The following BEND4 variants were observed in gnomAD, a reference collection of about 807,000 sequenced individuals.
The protein encoded by BEND4 is BEN domain-containing protein 4.
Under a neutral mutation model 54.7 loss-of-function variants are expected in BEND4, and 27 were observed. The ratio of observed to expected loss-of-function variants is 0.49; its 90% CI spans 0.36 to 0.68. The LOEUF (loss-of-function observed/expected upper bound fraction) is 0.68, where lower values mean the gene tolerates loss of function less well. Among genes scored for constraint, BEND4 ranks in the 30% least tolerant of loss-of-function variants. The probability of loss-of-function intolerance (pLI) is 0.00; values close to 1 mark genes in which losing one functional copy is unlikely to be tolerated. For missense variants in BEND4, 702 were observed against 697.2 expected (o/e 1.01, Z -0.08); for synonymous variants, 327 against 299.5 (o/e 1.09, Z -0.95).
chr4:42,151,214 G>C (rs1721261936), intron 2 of BEND4: 1 of 155,194 alleles, frequency 6.4e-6, no homozygotes, highest in Non-Finnish European at 1.4e-5. Flanking sequence ...GAAGTGGAGA[G>C]AAGAAGAAAC....
At chr4:42,148,961 A>G (rs927489661) in intron 2 of BEND4, among the ~76,000 whole-genome samples, 1 of 152,234 alleles carries the variant, frequency 6.6e-6, no homozygotes, top group Non-Finnish European at 1.5e-5. Flanking sequence ...GAAAAAATCT[A>G]TTTTTAATCA....
chr4:42,135,498 C>T (rs1242647229), intron 3 of BEND4, among the ~76,000 whole-genome samples: 4 of 152,062 alleles, frequency 2.6e-5, no homozygotes, highest in Admixed American at 2.0e-4. Context: ...TATGGCTGGG[C>T]GCAGTGGCTC....
At chr4:42,146,955 G>A (rs542588502) in intron 2 of BEND4, among the ~76,000 whole-genome samples, 7 of 152,256 alleles carry the variant, frequency 4.6e-5, no homozygotes, top group African/African-American at 1.7e-4. Context: ...GGACAAGCGT[G>A]ATTTGTTTTC....
At chr4:42,136,159 G>C (rs570200343) in intron 3 of BEND4, among the ~76,000 whole-genome samples, 5 of 152,088 alleles carry the variant, frequency 3.3e-5, no homozygotes, top group Non-Finnish European at 7.4e-5. Context: ...ATCAGAAACC[G>C]ACCTAAGCAT....
chr4:42,144,033 A>G, intron 2 of BEND4, 39 bp from the exon 3 acceptor site: 1 of 1,457,294 alleles, frequency 6.9e-7, no homozygotes, highest in Non-Finnish European at 9.5e-7. Context: ...ACCAACAGCC[A>G]ACGGCAAAAG....
intron 3 of BEND4, among the ~76,000 whole-genome samples, chr4:42,140,143 A>G (rs554074087): frequency 2.0e-5 from 3 of 152,292 alleles, no homozygotes; most frequent in African/African-American, 7.2e-5. Flanking sequence ...TCCCAGTGAC[A>G]CTTTAACCTG....
rs539847158 is a variant in BEND4 at position 42,148,447 on chromosome 4, G to A, written c.487+3210C>T. 2.8e-4 allele frequency among the ~76,000 whole-genome samples: 43 copies of A among 152,202 alleles called. 1 individual carries two copies. In the South Asian group the frequency reaches 7.9e-3, roughly 28 times the overall value. On this transcript the variant is annotated intron_variant, in intron 2 of 5. Transcript: ENST00000502486. ...ATCCCTGAATATTTTCTGGACCATC[G>A]GTATATAAAATAGGATGCTGCTATT...
rs73812731 is a variant in BEND4, at chr4:42,117,704, G to A, written c.1419C>T (p.Pro473=). ...GCTCTTCCGAGGGCATCCACCAATC[G>A]GGGTTGGAGGTACAATGCATCCTAA... ...EFIRMHCTSN[P]DWWMPSEEQI... Residue 473 remains proline, a synonymous_variant, in exon 6 of 6, where the codon CCC becomes CCT. Coordinates refer to ENST00000502486, the MANE Select transcript of BEND4 (RefSeq NM_207406.4). 6.9e-3 allele frequency: 11,155 copies of A among 1,607,766 alleles called. 51 individuals are homozygous for A. Among genetic ancestry groups the A allele is most frequent in the Middle Eastern group, 0.015 (90 of 6,048 alleles).
chr4:42,151,679 G>A lies in BEND4; in HGVS notation c.465C>T (p.Ser155=). ...TACCTGCGCTGAGCTCCAGGCTGGC[G>A]CTGTCGCTACCCGTGCCGCCGGTGC... ...AAGTGGTGSD[S]ASLELSAESR... is the part of the protein sequence containing the mutation. Residue 155 remains serine, a synonymous_variant, in exon 2 of 6, where the codon AGC becomes AGT. Transcript: ENST00000502486. 3 of 1,505,206 alleles carry A rather than the reference G, an allele frequency of 2.0e-6. No homozygotes were observed. The highest frequency in any genetic ancestry group is 2.7e-6 in the Non-Finnish European group (3 of 1,130,406). The allele number at this position is 1,505,206 out of a possible 1,614,324, so 93.2% of individuals were successfully genotyped here. A position where few individuals can be genotyped will look rare whatever the true frequency, so the allele number is the denominator to read the frequency against.
At position 42,115,201 on chromosome 4, in the gene BEND4, G is replaced by C. The variant is rs1719752920; in HGVS notation, c.*2317C>G. On this transcript the variant is annotated 3_prime_UTR_variant, in exon 6 of 6. Transcript: ENST00000502486. ...GATAGAGAAATGATTAACCTGGAAT[G>C]GGTGCGAGGGAGGAAGAGACCATGT... is the stretch of plus-strand genomic sequence containing the variant. The C allele has an allele frequency of 6.6e-6, 1 of 152,228 alleles. No homozygotes were observed. The highest frequency in any genetic ancestry group is 6.5e-5 in the Admixed American group (1 of 15,288). The allele number at this position is 152,228 out of a possible 1,614,324, so 9.4% of individuals were successfully genotyped here.
intron 3 of BEND4, among the ~76,000 whole-genome samples, chr4:42,127,879 T>C (rs1338118365): frequency 6.6e-6 from 1 of 152,228 alleles, no homozygotes; most frequent in Admixed American, 6.5e-5. Context: ...GTCATTAAGA[T>C]GTTGCCAGGC....
intron 2 of BEND4, chr4:42,144,223 C>T (rs1056417995): frequency 3.4e-5 from 20 of 580,240 alleles, no homozygotes; most frequent in African/African-American, 1.9e-4. Flanking sequence ...CTCTAGGAAA[C>T]GGCTGGACTG....
chr4:42,142,831 CT>C (rs778092324), intron 3 of BEND4, among the ~76,000 whole-genome samples: 5 of 152,052 alleles, frequency 3.3e-5, no homozygotes, highest in African/African-American at 4.8e-5. Flanking sequence ...ACTGGTCTAT[CT>C]TTGACCTATT....
chr4:42,123,610 C>T (rs1720144309), intron 4 of BEND4, among the ~76,000 whole-genome samples: 1 of 138,858 alleles, frequency 7.2e-6, no homozygotes, highest in African/African-American at 2.7e-5. Flanking sequence ...TTTTATATGA[C>T]AGTATTGTCA....
chr4:42,145,048 T>C (rs758426786), intron 2 of BEND4, among the ~76,000 whole-genome samples: 5 of 152,154 alleles, frequency 3.3e-5, no homozygotes, highest in Admixed American at 3.3e-4. Context: ...AACAAAATAT[T>C]CTAGATTGTA....
At chr4:42,151,630 A>G in intron 2 of BEND4, 27 bp downstream of exon 2, 1 of 1,436,812 alleles carries the variant, frequency 7.0e-7, no homozygotes, top group Non-Finnish European at 9.1e-7. Flanking sequence ...CCGTGGCGGG[A>G]AGGAAAGTTG....
At chr4:42,141,821 T>C (rs1171761985) in intron 3 of BEND4, among the ~76,000 whole-genome samples, 1 of 152,234 alleles carries the variant, frequency 6.6e-6, no homozygotes, top group African/African-American at 2.4e-5. Context: ...TTCTTATGTA[T>C]GATTTATTTT....
chr4:42,127,994 CT>C (rs1371284068), intron 3 of BEND4, among the ~76,000 whole-genome samples: 2 of 152,060 alleles, frequency 1.3e-5, no homozygotes, highest in East Asian at 3.9e-4. Flanking sequence ...AAGAACATAT[CT>C]TTACAAAAAA....
intron 5 of BEND4, among the ~76,000 whole-genome samples, chr4:42,118,874 CTGAG>C (rs1190136191): frequency 1.3e-5 from 2 of 152,154 alleles, no homozygotes; most frequent in East Asian, 3.8e-4. Context: ...CTTAGTCACT[CTGAG>C]TAAGTGGAAT....
Sources: gnomAD v4.1 joint callset for allele counts (sites outside exome capture counted in the v4.1 genomes callset) on GRCh38, gnomAD v4.1.1 for gene constraint, MANE v1.5 for transcripts, NCBI Gene and HGNC (gene_info 2026-07-23, HGNC 2026-07-21) for gene names.